MBNL2: variants seen among roughly 807,000 people sequenced by gnomAD.
The protein encoded by MBNL2 is muscleblind-like protein 2.
MBNL2 carries 17 observed loss-of-function variants against 41.9 expected under a neutral mutation model. The observed-to-expected ratio is 0.41, with a 90% CI of 0.28 to 0.61. MBNL2 has a LOEUF of 0.61. Ranked by LOEUF, MBNL2 falls within the 20% of genes least tolerant of loss-of-function variation. The pLI is 0.35. For missense variants in MBNL2, 336 were observed against 505.6 expected (o/e 0.66, Z 3.22); for synonymous variants, 195 against 182.9 (o/e 1.07, Z -0.53).
intron 3 of MBNL2, among the ~76,000 whole-genome samples, chr13:97,337,567 C>T (rs1307175841): frequency 6.6e-6 from 1 of 152,060 alleles, no homozygotes; most frequent in African/African-American, 2.4e-5. Flanking sequence ...GACTGAGGAC[C>T]CCCAAAAGTA....
At chr13:97,358,386 G>C (rs1390576050) in intron 7 of MBNL2, among the ~76,000 whole-genome samples, 1 of 151,788 alleles carries the variant, frequency 6.6e-6, no homozygotes, top group African/African-American at 2.4e-5. Context: ...GTTTCCCTGT[G>C]ACCAAACCCA....
intron 4 of MBNL2, among the ~76,000 whole-genome samples, chr13:97,345,601 C>CT (rs367817140): frequency 3.0e-4 from 45 of 151,810 alleles, no homozygotes; most frequent in African/African-American, 9.9e-4. Flanking sequence ...CTCCTTTTGT[C>CT]TTTTTTTTCT....
the MBNL2 span, among the ~76,000 whole-genome samples, chr13:97,159,361 C>A: frequency 6.6e-6 from 1 of 151,906 alleles, no homozygotes; most frequent in South Asian, 2.1e-4. Context: ...GTTTGCCAGT[C>A]TGTGTCTTTT....
chr13:97,328,505 G>A (rs891559257), intron 2 of MBNL2, among the ~76,000 whole-genome samples: 3 of 152,198 alleles, frequency 2.0e-5, no homozygotes, highest in Non-Finnish European at 2.9e-5. Context: ...ACCTACAGCA[G>A]CAAGTGCTGC....
At chr13:97,226,656 CTG>C (rs2041649201) in intron 1 of MBNL2, among the ~76,000 whole-genome samples, 1 of 152,084 alleles carries the variant, frequency 6.6e-6, no homozygotes, top group Non-Finnish European at 1.5e-5. Context: ...TTTTAGGTAT[CTG>C]TATGTATGTA....
chr13:97,270,067 C>T (rs1188504808), intron 1 of MBNL2, among the ~76,000 whole-genome samples: 2 of 152,168 alleles, frequency 1.3e-5, no homozygotes, highest in Non-Finnish European at 1.5e-5. Flanking sequence ...AAGAAATTGA[C>T]TTGCCCAAGG....
intron 8 of MBNL2, among the ~76,000 whole-genome samples, chr13:97,369,687 A>G (rs1057007681): frequency 5.9e-5 from 9 of 152,194 alleles, no homozygotes; most frequent in African/African-American, 2.2e-4. Flanking sequence ...TGCTATTTAC[A>G]CATTACCCCA....
At chr13:97,144,423 C>CTTTTTTTTTTTTTTTTTT in the MBNL2 span, among the ~76,000 whole-genome samples, 19 of 118,076 alleles carry the variant, frequency 1.6e-4, 1 homozygote, top group African/African-American at 6.0e-4. Flanking sequence ...CATGATACTT[C>CTTTTTTTTTTTTTTTTTT]TTTTTTTTTT....
At chr13:97,197,370 G>T in the MBNL2 span, among the ~76,000 whole-genome samples, 1 of 151,974 alleles carries the variant, frequency 6.6e-6, no homozygotes, top group Non-Finnish European at 1.5e-5. Context: ...ACACATCTTT[G>T]GTTAAAAATG....
At chr13:97,233,159 ATATATATATATATAT>A (rs1566355982) in intron 1 of MBNL2, among the ~76,000 whole-genome samples, 2 of 101,054 alleles carry the variant, frequency 2.0e-5, no homozygotes, top group Non-Finnish European at 4.0e-5. Flanking sequence ...ATATATATAT[ATATATATATATATAT>A]ATCTTTTTAT....
chr13:97,181,511 T>C, the MBNL2 span, among the ~76,000 whole-genome samples: 1 of 152,208 alleles, frequency 6.6e-6, no homozygotes, highest in Non-Finnish European at 1.5e-5. Flanking sequence ...TGTATAGTAG[T>C]GCTGAAACCA....
At chr13:97,291,702 C>A (rs2056032900) in intron 2 of MBNL2, among the ~76,000 whole-genome samples, 1 of 148,476 alleles carries the variant, frequency 6.7e-6, no homozygotes, top group African/African-American at 2.5e-5. Context: ...CGAGGCCAGC[C>A]CAGCCAACAT....
At chr13:97,195,612 A>G in the MBNL2 span, among the ~76,000 whole-genome samples, 2 of 152,354 alleles carry the variant, frequency 1.3e-5, no homozygotes, top group East Asian at 3.9e-4. Context: ...TAGAAATTCA[A>G]TATGGCATAT....
intron 4 of MBNL2, among the ~76,000 whole-genome samples, chr13:97,345,882 A>G (rs2061801098): frequency 6.6e-6 from 1 of 152,130 alleles, no homozygotes; most frequent in South Asian, 2.1e-4. Flanking sequence ...CACACAAAAA[A>G]AAACCTATAG....
At chr13:97,205,598 T>C in the MBNL2 span, among the ~76,000 whole-genome samples, 1 of 152,164 alleles carries the variant, frequency 6.6e-6, no homozygotes, top group Non-Finnish European at 1.5e-5. Context: ...TTCTGTTGGA[T>C]TACACCTTAG....
chr13:97,329,733 AACAC>A (rs2060254108), intron 2 of MBNL2, among the ~76,000 whole-genome samples: 2 of 10,282 alleles, frequency 1.9e-4, no homozygotes, highest in Non-Finnish European at 4.5e-4. Context: ...CACAACATAC[AACAC>A]ATACACCATA....
chr13:97,166,942 A>T, the MBNL2 span, among the ~76,000 whole-genome samples: 1 of 152,184 alleles, frequency 6.6e-6, no homozygotes, highest in South Asian at 2.1e-4. Flanking sequence ...GATTTGTAGC[A>T]TTCAGGGGAG....
chr13:97,163,003 C>G, the MBNL2 span, among the ~76,000 whole-genome samples: 1 of 152,066 alleles, frequency 6.6e-6, no homozygotes, highest in Non-Finnish European at 1.5e-5. Flanking sequence ...CTGAGATGCT[C>G]GAGAAAACCA....
In MBNL2 at chr13:97,366,767, CTGTT is replaced by C. The variant is rs1254887735; in HGVS notation, c.1048+1602_1048+1605del. 1.3e-5 allele frequency: 8 copies of C among 628,626 alleles called. No individual in the cohort carries two copies. The highest frequency in any genetic ancestry group is 3.4e-5 in the South Asian group (2 of 58,042). The allele number at this position is 628,626 out of a possible 1,614,324, so 38.9% of individuals were successfully genotyped here. On this transcript the variant is annotated intron_variant, in intron 8 of 8. Coordinates refer to ENST00000679496, the MANE Select transcript of MBNL2 (RefSeq NM_001382683.1). This position sits in a 1 kb window ranked among gnomAD's most constrained non-coding sequence, Gnocchi z 4.7. ...TGATGTAGCTATGTTTTGTGTTGCA[CTGTT>C]TGTTTTCGTACCTAATATTGTGTAA... is the stretch of plus-strand genomic sequence containing the variant.
Sources: gnomAD v4.1 joint callset for allele counts (sites outside exome capture counted in the v4.1 genomes callset) on GRCh38, gnomAD v4.1.1 for gene constraint, Gnocchi (gnomAD v3.1) non-coding constraint, MANE v1.5 for transcripts, NCBI Gene and HGNC (gene_info 2026-07-23, HGNC 2026-07-21) for gene names.